Variants in CDK8 observed in about 807,000 individuals in gnomAD.
CDK8 encodes cyclin dependent kinase 8, also known as cyclin-dependent kinase 8.
A neutral mutation model predicts 71.5 loss-of-function variants in CDK8; 29 were observed. The observed-to-expected ratio is 0.41, with a 90% CI of 0.30 to 0.55. The LOEUF (loss-of-function observed/expected upper bound fraction) is 0.55. Among genes scored for constraint, CDK8 ranks in the 20% least tolerant of loss-of-function variants. The pLI is 0.37. For missense variants in CDK8, 288 were observed against 572.6 expected (o/e 0.50, Z 5.07); for synonymous variants, 161 against 192.1 (o/e 0.84, Z 1.34).
chr13:26,305,480 G>A (rs145788264), intron 1 of CDK8, among the ~76,000 whole-genome samples: 296 of 152,148 alleles, frequency 1.9e-3, no homozygotes, highest in African/African-American at 6.8e-3. Flanking sequence ...TCTGTAATTC[G>A]ACGTCATTAG....
At chr13:26,311,345 C>T (rs1221604999) in intron 1 of CDK8, among the ~76,000 whole-genome samples, 9 of 139,710 alleles carry the variant, frequency 6.4e-5, no homozygotes, top group African/African-American at 2.0e-4. Flanking sequence ...TTTCTTCCTT[C>T]TCTTCCCCAA....
At chr13:26,355,710 G>A (rs1873868091) in intron 4 of CDK8, among the ~76,000 whole-genome samples, 1 of 152,100 alleles carries the variant, frequency 6.6e-6, no homozygotes, top group Admixed American at 6.6e-5. Context: ...TGGCCATTGG[G>A]GTGGAGTCAA....
intron 6 of CDK8, 114 bp from the exon 7 acceptor site, chr13:26,393,253 C>G (rs1006936817): frequency 1.1e-5 from 7 of 640,750 alleles, no homozygotes; most frequent in Non-Finnish European, 1.8e-5. Flanking sequence ...AAAACACTCC[C>G]CAAGAAAATA....
At chr13:26,392,496 T>C (rs1875798654) in intron 6 of CDK8, among the ~76,000 whole-genome samples, 1 of 151,866 alleles carries the variant, frequency 6.6e-6, no homozygotes, top group African/African-American at 2.4e-5. Flanking sequence ...CCCAGCTAAT[T>C]TTTGTATTTT....
chr13:26,287,195 A>G (rs1429052627), intron 1 of CDK8, among the ~76,000 whole-genome samples: 1 of 152,238 alleles, frequency 6.6e-6, no homozygotes, highest in Non-Finnish European at 1.5e-5. Flanking sequence ...TTGCACACAC[A>G]TTTATAGCAG....
At position 26,254,696 on chromosome 13, in the gene CDK8, C is replaced by G. The variant is rs747042280; in HGVS notation, c.55C>G (p.Leu19Val). Reference protein sequence around the residue: ...LSSERERVEDLFEYEGCKVGR... With the variant: ...LSSERERVEDVFEYEGCKVGR... ...CAGCGAGCGGGAGCGGGTCGAGGAC[C>G]TGTTTGAATACGAGGGCTGCAAAGT... The change falls in exon 1 of 13, where the codon CTG (leucine) becomes GTG (valine). Residue 19 changes from leucine to valine, a missense_variant. This residue lies in a region of CDK8 where 19 missense variants were observed against 24.4 expected (regional missense o/e 0.78). Coordinates refer to ENST00000381527, the MANE Select transcript of CDK8 (RefSeq NM_001260.3). This position sits in a 1 kb window ranked among gnomAD's most constrained non-coding sequence, Gnocchi z 6.7. The G allele has an allele frequency of 3.1e-6, 5 of 1,612,932 alleles. No individual in the cohort carries two copies. In the South Asian group the frequency reaches 5.5e-5, roughly 18 times the overall value.
intron 7 of CDK8, among the ~76,000 whole-genome samples, chr13:26,394,022 T>TAGTA (rs1875874359): frequency 1.3e-5 from 2 of 152,176 alleles, no homozygotes; most frequent in South Asian, 4.1e-4. Flanking sequence ...GTGAGAGTCA[T>TAGTA]AGTACCCTAT....
chr13:26,286,709 G>A (rs1188191857), intron 1 of CDK8, among the ~76,000 whole-genome samples: 1 of 152,146 alleles, frequency 6.6e-6, no homozygotes, highest in African/African-American at 2.4e-5. Flanking sequence ...AATCAGCAGA[G>A]TAAACAGACA....
At chr13:26,396,142 G>C in intron 7 of CDK8, 143 bp from the exon 8 acceptor site, 2 of 388,930 alleles carry the variant, frequency 5.1e-6, no homozygotes, top group South Asian at 1.5e-4. Context: ...GATATTTACT[G>C]TTGCTGAACA....
At chr13:26,293,095 CTAT>C (rs1353245876) in intron 1 of CDK8, among the ~76,000 whole-genome samples, 2 of 152,144 alleles carry the variant, frequency 1.3e-5, no homozygotes, top group Non-Finnish European at 2.9e-5. Context: ...TTGGGAAATG[CTAT>C]TATTTGATAA....
intron 1 of CDK8, among the ~76,000 whole-genome samples, chr13:26,313,617 T>G (rs1874385198): frequency 6.6e-6 from 1 of 152,188 alleles, no homozygotes; most frequent in Non-Finnish European, 1.5e-5. Flanking sequence ...CTTGGGAGAT[T>G]TACATGTGTT....
chr13:26,306,447 T>G (rs144631234), intron 1 of CDK8, among the ~76,000 whole-genome samples: 11 of 152,268 alleles, frequency 7.2e-5, no homozygotes, highest in African/African-American at 2.6e-4. Context: ...GTTTTGCTTA[T>G]AGTCTAATGC....
chr13:26,320,805 C>A (rs747015936), intron 1 of CDK8, among the ~76,000 whole-genome samples: 1 of 152,026 alleles, frequency 6.6e-6, no homozygotes, highest in Non-Finnish European at 1.5e-5. Context: ...AAATACAAAT[C>A]AAAACTACAG....
intron 4 of CDK8, among the ~76,000 whole-genome samples, chr13:26,364,311 A>G (rs1874280994): frequency 6.6e-6 from 1 of 152,218 alleles, no homozygotes; most frequent in African/African-American, 2.4e-5. Flanking sequence ...TTACTGTTTC[A>G]TGAAACTTTT....
At chr13:26,271,575 G>C (rs905441957) in intron 1 of CDK8, among the ~76,000 whole-genome samples, 1 of 152,080 alleles carries the variant, frequency 6.6e-6, no homozygotes, top group Non-Finnish European at 1.5e-5. Context: ...GGAGTCTGAG[G>C]TGGGAGGACT....
At chr13:26,393,565 A>G (rs988028327) in intron 7 of CDK8, 55 bp downstream of exon 7, 3 of 1,578,248 alleles carry the variant, frequency 1.9e-6, no homozygotes, top group African/African-American at 1.4e-5. Context: ...TTGAACTTAG[A>G]TGTCTTCGTT....
intron 1 of CDK8, among the ~76,000 whole-genome samples, chr13:26,321,782 T>G (rs989167863): frequency 6.6e-6 from 1 of 152,114 alleles, no homozygotes; most frequent in African/African-American, 2.4e-5. Flanking sequence ...TAGCTTTATG[T>G]CTGTCTATAT....
intron 1 of CDK8, among the ~76,000 whole-genome samples, chr13:26,300,562 T>C (rs1456927255): frequency 6.6e-6 from 1 of 152,218 alleles, no homozygotes; most frequent in East Asian, 1.9e-4. Flanking sequence ...AGACTATAAT[T>C]TCTCTTTGCC....
At chr13:26,384,151 C>T (rs898793116) in intron 5 of CDK8, among the ~76,000 whole-genome samples, 7 of 152,076 alleles carry the variant, frequency 4.6e-5, no homozygotes, top group East Asian at 3.9e-4. Context: ...GGGAACGCTA[C>T]GTCTTAAAGC....
Sources: gnomAD v4.1 joint callset for allele counts (sites outside exome capture counted in the v4.1 genomes callset) on GRCh38, gnomAD v4.1.1 for gene constraint, gnomAD v4.1.1 regional missense constraint, Gnocchi (gnomAD v3.1) non-coding constraint, MANE v1.5 for transcripts, NCBI Gene and HGNC (gene_info 2026-07-23, HGNC 2026-07-21) for gene names.